The following ZNF536 variants were observed in gnomAD, a reference collection of about 807,000 sequenced individuals.
The protein encoded by ZNF536 is zinc finger protein 536.
In ZNF536, 13 loss-of-function variants were observed where a neutral mutation model predicts 84.5. The ratio of observed to expected loss-of-function variants is 0.15; its 90% CI spans 0.10 to 0.24. ZNF536 has a LOEUF of 0.24. Ranked by LOEUF, ZNF536 falls within the 10% of genes least tolerant of loss-of-function variation. ZNF536 has a pLI of 1.00. For missense variants in ZNF536, 1,536 were observed against 1,747.5 expected (o/e 0.88, Z 2.16); for synonymous variants, 811 against 742.5 (o/e 1.09, Z -1.50).
At chr19:30,471,153 A>G (rs2053619246) in intron 2 of ZNF536, among the ~76,000 whole-genome samples, 1 of 152,132 alleles carries the variant, frequency 6.6e-6, no homozygotes, top group Admixed American at 6.5e-5. Flanking sequence ...TCTCATGGTT[A>G]GACTGGAGTT....
chr19:30,456,290 A>G (rs1371062128), intron 2 of ZNF536, among the ~76,000 whole-genome samples: 1 of 150,426 alleles, frequency 6.6e-6, no homozygotes, highest in East Asian at 1.9e-4. Context: ...ATTCGTGAAC[A>G]CGGGACTTGT....
intron 1 of ZNF536, among the ~76,000 whole-genome samples, chr19:30,696,325 C>T (rs962073789): frequency 2.0e-4 from 31 of 152,214 alleles, no homozygotes; most frequent in African/African-American, 7.5e-4. Flanking sequence ...AGGCCAGCGC[C>T]TTCTCTTTGG....
At chr19:30,518,880 G>C (rs756297661) in intron 2 of ZNF536, among the ~76,000 whole-genome samples, 1 of 152,106 alleles carries the variant, frequency 6.6e-6, no homozygotes, top group African/African-American at 2.4e-5. Flanking sequence ...GTGCAGGGAT[G>C]GGGGAGCTAT....
At chr19:30,704,578 C>T (rs1170521669) in intron 1 of ZNF536, among the ~76,000 whole-genome samples, 1 of 140,462 alleles carries the variant, frequency 7.1e-6, no homozygotes, top group African/African-American at 2.7e-5. Flanking sequence ...ACCCGGGAGG[C>T]AGAGGTTGCA....
intron 2 of ZNF536, among the ~76,000 whole-genome samples, chr19:30,287,600 G>A (rs2045683236): frequency 1.3e-5 from 2 of 148,270 alleles, no homozygotes; most frequent in Admixed American, 6.7e-5. Context: ...ATAGATGGAT[G>A]GATGGGTGGA....
intron 3 of ZNF536, among the ~76,000 whole-genome samples, chr19:30,353,505 G>A (rs917968935): frequency 3.9e-5 from 6 of 152,044 alleles, no homozygotes; most frequent in Admixed American, 3.9e-4. Context: ...AGCAGTGGTC[G>A]CTTCCATCAG....
intron 2 of ZNF536, among the ~76,000 whole-genome samples, chr19:30,307,279 C>CT: frequency 6.6e-6 from 1 of 150,912 alleles, no homozygotes; most frequent in East Asian, 1.9e-4. Flanking sequence ...GAAATATTGC[C>CT]TTTTTTAAAA....
chr19:30,228,494 G>C (rs560715093), upstream of ZNF536: 1 of 152,140 alleles, frequency 6.6e-6, no homozygotes, highest in Non-Finnish European at 1.5e-5. The surrounding 1 kb of genome is among the most constrained non-coding windows in gnomAD (Gnocchi z 4.5). Context: ...AAATCTGCCC[G>C]GCCCGGGGCT....
intron 1 of ZNF536, among the ~76,000 whole-genome samples, chr19:30,634,852 G>A (rs4805592): frequency 0.46 from 69,172 of 151,672 alleles, 16,285 homozygotes; most frequent in Admixed American, 0.55. Flanking sequence ...AGTAGATTAC[G>A]TGTCAGTCTT....
intron 1 of ZNF536, among the ~76,000 whole-genome samples, chr19:30,693,049 A>G (rs28444457): frequency 6.7e-6 from 1 of 148,978 alleles, no homozygotes; most frequent in Non-Finnish European, 1.5e-5. Context: ...AGAGAGAGAG[A>G]GTGTGTGTAT....
At chr19:30,247,569 C>A (rs1201105071) in intron 1 of ZNF536, among the ~76,000 whole-genome samples, 2 of 152,138 alleles carry the variant, frequency 1.3e-5, no homozygotes, top group African/African-American at 4.8e-5. Context: ...AGCCTGTAAT[C>A]CCAGCACTTT....
At chr19:30,587,898 G>T (rs2047150296) in intron 1 of ZNF536, among the ~76,000 whole-genome samples, 1 of 152,252 alleles carries the variant, frequency 6.6e-6, no homozygotes, top group Admixed American at 6.5e-5. Context: ...AGGTTAAGTT[G>T]AAGTTGCTTC....
upstream of ZNF536, among the ~76,000 whole-genome samples, chr19:30,225,721 G>T (rs2022577368): frequency 7.0e-6 from 1 of 142,912 alleles, no homozygotes; most frequent in African/African-American, 2.6e-5. Flanking sequence ...CGCGGTGCGG[G>T]GGGCGCGGCG....
chr19:30,315,629 G>A (rs1381231164), intron 2 of ZNF536, among the ~76,000 whole-genome samples: 1 of 152,134 alleles, frequency 6.6e-6, no homozygotes, highest in African/African-American at 2.4e-5. Context: ...AAGTTCTGTG[G>A]GTTCACTATT....
At chr19:30,656,559 T>C (rs544403459) in intron 1 of ZNF536, among the ~76,000 whole-genome samples, 1 of 152,172 alleles carries the variant, frequency 6.6e-6, no homozygotes, top group Non-Finnish European at 1.5e-5. Flanking sequence ...ACCGGAGCAG[T>C]GAGGTTAGTT....
At chr19:30,393,897 A>G (rs1334143302) in intron 1 of ZNF536, among the ~76,000 whole-genome samples, 1 of 152,178 alleles carries the variant, frequency 6.6e-6, no homozygotes, top group Non-Finnish European at 1.5e-5. Flanking sequence ...GGCAGAATGG[A>G]AGCCTGGGTG....
intron 1 of ZNF536, among the ~76,000 whole-genome samples, chr19:30,604,599 C>T (rs775034864): frequency 2.6e-5 from 4 of 152,128 alleles, no homozygotes; most frequent in Non-Finnish European, 4.4e-5. Flanking sequence ...ACTAACTGGT[C>T]ACCACAAAGG....
Position 30,399,931 on chromosome 19 carries a change from ACCTT to A in ZNF536, c.-3+27379_-3+27382del, listed in dbSNP as rs1440808979. 2.6e-5 allele frequency among the ~76,000 whole-genome samples: 4 copies of A among 151,994 alleles called. 1 individual carries two copies. The highest frequency in any genetic ancestry group is 5.9e-5 in the Non-Finnish European group (4 of 67,992). ...TTGAACTCCTGACCTCAAGCAGTCCACCTTCCTAGGCCTCCCAAACTGCTGGGAT... is the reference window on the plus strand; with the variant it reads ...TTGAACTCCTGACCTCAAGCAGTCCACCTAGGCCTCCCAAACTGCTGGGAT... On this transcript the variant is annotated intron_variant, in intron 1 of 4. Transcript: ENST00000355537.
chr19:30,311,660 C>T (rs762511333), intron 2 of ZNF536, among the ~76,000 whole-genome samples: 1 of 152,166 alleles, frequency 6.6e-6, no homozygotes, highest in African/African-American at 2.4e-5. Context: ...TCTCATTCCC[C>T]AGCCTGATAC....
Sources: gnomAD v4.1 joint callset for allele counts (sites outside exome capture counted in the v4.1 genomes callset) on GRCh38, gnomAD v4.1.1 for gene constraint, Gnocchi (gnomAD v3.1) non-coding constraint, MANE v1.5 for transcripts, NCBI Gene and HGNC (gene_info 2026-07-23, HGNC 2026-07-21) for gene names.